The following CALB2 variants were observed in gnomAD, a reference collection of about 807,000 sequenced individuals.
The protein encoded by CALB2 is calretinin.
In CALB2, 34 loss-of-function variants were observed where a neutral mutation model predicts 45.9. The observed-to-expected ratio is 0.74, with a 90% CI of 0.56 to 0.99. The LOEUF is 0.99. Ranked by LOEUF, CALB2 falls within the 50% of genes least tolerant of loss-of-function variation. The pLI is 0.00. For missense variants in CALB2, 344 were observed against 339.3 expected, an observed-to-expected ratio of 1.01 and a Z score of -0.11; for synonymous variants, 142 against 129.6, an observed-to-expected ratio of 1.10 and a Z score of -0.65.
chr16:71,371,487 C>T (rs757721795), intron 1 of CALB2, among the ~76,000 whole-genome samples: 3 of 152,280 alleles, frequency 2.0e-5, no homozygotes, highest in Non-Finnish European at 4.4e-5. Flanking sequence ...TCTGCTAGAG[C>T]TCTGAGGGTG....
At chr16:71,383,332 A>T (rs551329852) in intron 5 of CALB2, 35 bp from the exon 6 acceptor site, 1 of 1,589,904 alleles carries the variant, frequency 6.3e-7, no homozygotes, top group East Asian at 2.2e-5. Flanking sequence ...CGAATGCACG[A>T]GTCAGGAGTA....
chr16:71,371,749 G>A (rs1310340143), intron 1 of CALB2, among the ~76,000 whole-genome samples: 1 of 152,056 alleles, frequency 6.6e-6, no homozygotes. Context: ...CCCATTCTGG[G>A]GGAGCACTCC....
At chr16:71,383,289 CTGAA>C in intron 5 of CALB2, 74 bp from the exon 6 acceptor site, 2 of 1,274,544 alleles carry the variant, frequency 1.6e-6, no homozygotes, top group Non-Finnish European at 2.3e-6. Context: ...GAGAGACTGT[CTGAA>C]TGAGCAAGTA....
intron 4 of CALB2, among the ~76,000 whole-genome samples, chr16:71,382,209 G>A (rs886457662): frequency 5.0e-5 from 7 of 140,108 alleles, no homozygotes; most frequent in Non-Finnish European, 1.6e-5. Flanking sequence ...TTAGAAATAT[G>A]TGGCGCCAAA....
In CALB2 at chr16:71,388,348, A is replaced by AG. The variant is rs905437292; in HGVS notation, c.700-1401_700-1400insG. Among the ~76,000 whole-genome samples the AG allele has an allele frequency of 4.8e-4, 69 of 143,828 alleles. 1 individual carries two copies. The East Asian group carries it at 0.014, about 29-fold the overall frequency. The allele number at this position is 143,828 out of a possible 152,430, so 94.4% of individuals were successfully genotyped here. Reference sequence around the variant, plus strand: ...AGACCTTATCTCAAAAAAAAAAAAAAAAAGAAAAAGAAAAAGAAAAAGAAA... The same window carrying AG: ...AGACCTTATCTCAAAAAAAAAAAAAAGAAAGAAAAAGAAAAAGAAAAAGAAA... On this transcript the variant is annotated intron_variant, in intron 10 of 10. Transcript: ENST00000302628.
At chr16:71,388,752 G>A (rs1439433833) in intron 10 of CALB2, among the ~76,000 whole-genome samples, 9 of 151,440 alleles carry the variant, frequency 5.9e-5, no homozygotes, top group African/African-American at 1.2e-4. Context: ...AGGTGGAGGC[G>A]GGCAGATCAC....
intron 5 of CALB2, among the ~76,000 whole-genome samples, chr16:71,383,065 A>G (rs1001266046): frequency 2.6e-5 from 4 of 152,092 alleles, no homozygotes; most frequent in South Asian, 2.1e-4. Flanking sequence ...TCCACCTCCA[A>G]ATTCCTCTGG....
intron 8 of CALB2, among the ~76,000 whole-genome samples, 195 bp from the exon 9 acceptor site, chr16:71,384,586 CCA>C (rs2042544466): frequency 1.0e-5 from 1 of 96,824 alleles, no homozygotes; most frequent in African/African-American, 4.9e-5. Flanking sequence ...CACACGCAGA[CCA>C]CACACACTAC....
rs1370224478 is a variant in CALB2 at position 71,372,246 on chromosome 16, C to G, written c.171+17C>G. ...TCTGGCATGGTAAGCCCAGCCCTGT[C>G]TCCGATTGTGTGGGATTTTCCTGAC... On this transcript the variant is annotated intron_variant, in intron 2 of 10. Transcript: ENST00000302628. The G allele has an allele frequency of 6.3e-7, 1 of 1,597,332 alleles. No individual in the cohort carries two copies. The highest frequency in any genetic ancestry group is 1.1e-5 in the South Asian group (1 of 90,130).
chr16:71,384,958 C>G, intron 9 of CALB2, 122 bp downstream of exon 9: 1 of 783,776 alleles, frequency 1.3e-6, no homozygotes, highest in South Asian at 1.5e-5. Flanking sequence ...GTGGTTTCTT[C>G]CTGCCGCATC....
chr16:71,375,593 C>T (rs985154042), intron 3 of CALB2, among the ~76,000 whole-genome samples: 8 of 152,172 alleles, frequency 5.3e-5, no homozygotes, highest in African/African-American at 1.9e-4. Context: ...GGCATTAGGG[C>T]ACAGCTCCAC....
At chr16:71,364,787 T>C (rs1005887260) in intron 1 of CALB2, among the ~76,000 whole-genome samples, 2 of 152,200 alleles carry the variant, frequency 1.3e-5, no homozygotes, top group Non-Finnish European at 2.9e-5. Flanking sequence ...CTCTTCACTC[T>C]GGGGCTTATT....
intron 1 of CALB2, among the ~76,000 whole-genome samples, chr16:71,369,411 T>C (rs1388583672): frequency 6.6e-6 from 1 of 151,808 alleles, no homozygotes; most frequent in African/African-American, 2.4e-5. Context: ...AAATGGTAGG[T>C]GAAGGGGCCA....
At chr16:71,377,039 C>T (rs2042424524) in intron 3 of CALB2, among the ~76,000 whole-genome samples, 1 of 152,188 alleles carries the variant, frequency 6.6e-6, no homozygotes, top group South Asian at 2.1e-4. Context: ...AACGTAGACT[C>T]ATCAGGATTG....
At chr16:71,359,443 G>T (rs1205010452) in intron 1 of CALB2, among the ~76,000 whole-genome samples, 1 of 152,170 alleles carries the variant, frequency 6.6e-6, no homozygotes, top group South Asian at 2.1e-4. Flanking sequence ...TCCAGCCGCC[G>T]TGGGCATGTA....
rs748418782 is a variant in CALB2 at position 71,358,756 on chromosome 16, G to A, written c.-37G>A. The A allele has an allele frequency of 9.8e-6, 15 of 1,534,782 alleles. No individual in the cohort carries two copies. The East Asian group carries it at 3.0e-4, about 31-fold the overall frequency. On this transcript the variant is annotated 5_prime_UTR_variant, in exon 1 of 11. Coordinates refer to ENST00000302628, the MANE Select transcript of CALB2 (RefSeq NM_001740.5). Reference sequence around the variant, plus strand: ...TGCCAGAGCCCAGCCGGCGCGGAGCGGGAGCGGTGCAGGCTGAGGTCTCCG... The same window carrying A: ...TGCCAGAGCCCAGCCGGCGCGGAGCAGGAGCGGTGCAGGCTGAGGTCTCCG...
At chr16:71,375,464 G>C (rs374411273) in intron 3 of CALB2, among the ~76,000 whole-genome samples, 13 of 152,148 alleles carry the variant, frequency 8.5e-5, no homozygotes, top group African/African-American at 2.4e-4. Context: ...CCAGCACTTT[G>C]GGAGGCTGAG....
intron 4 of CALB2, among the ~76,000 whole-genome samples, chr16:71,382,155 A>AGGGAAGGAAGGAAGGAAG (rs2042504771): frequency 6.9e-6 from 1 of 144,402 alleles, no homozygotes; most frequent in Non-Finnish European, 1.5e-5. Context: ...AAGGAAGGAA[A>AGGGAAGGAAGGAAGGAAG]GAAAATAAAG....
rs941446046 is a variant in CALB2, at chr16:71,367,599, C to T, written c.95-4554C>T. Among the ~76,000 whole-genome samples the T allele has an allele frequency of 2.0e-5, 3 of 152,136 alleles. No individual in the cohort carries two copies. In the South Asian group the frequency reaches 6.2e-4, roughly 32 times the overall value. ...GCCACCTGCCGATCTCTCCTGTGTT[C>T]CTCACTGTCTGCCATCAGCTGCCTG... On this transcript the variant is annotated intron_variant, in intron 1 of 10. Coordinates refer to ENST00000302628, the MANE Select transcript of CALB2 (RefSeq NM_001740.5).
Sources: gnomAD v4.1 joint callset for allele counts (sites outside exome capture counted in the v4.1 genomes callset) on GRCh38, gnomAD v4.1.1 for gene constraint, MANE v1.5 for transcripts, NCBI Gene and HGNC (gene_info 2026-07-23, HGNC 2026-07-21) for gene names.